Variants in CDH11 observed in about 807,000 individuals in gnomAD.
CDH11 encodes the protein cadherin-11.
CDH11 carries 11 observed loss-of-function variants against 67.8 expected under a neutral mutation model. The observed-to-expected ratio is 0.16, with a 90% CI of 0.10 to 0.27. CDH11 has a LOEUF of 0.27. Ranked by LOEUF, CDH11 falls within the 10% of genes least tolerant of loss-of-function variation. The pLI is 1.00. For synonymous variants in CDH11, 419 were observed against 400.0 expected (o/e 1.05, Z -0.57); for missense variants, 847 against 1,031.2 (o/e 0.82, Z 2.45).
intron 11 of CDH11, among the ~76,000 whole-genome samples, chr16:64,956,330 T>C (rs2071510346): frequency 6.6e-6 from 1 of 151,096 alleles, no homozygotes; most frequent in Admixed American, 6.6e-5. Context: ...TAAATATTAA[T>C]TCTTTTCTGG....
At chr16:64,985,216 A>C (rs2045661755) in intron 7 of CDH11, 1 of 152,164 alleles carries the variant, frequency 6.6e-6, no homozygotes, top group Admixed American at 6.5e-5. Flanking sequence ...CCTGTGCACT[A>C]TTAAACTAAG....
chr16:65,123,050 G>A (rs532473155), upstream of CDH11, among the ~76,000 whole-genome samples: 18 of 152,274 alleles, frequency 1.2e-4, no homozygotes, highest in East Asian at 3.5e-3. Flanking sequence ...TACCGTGAGG[G>A]TTCCCCGGGC....
chr16:65,122,110 T>TGGGGGGGG, upstream of CDH11: 1 of 66,672 alleles, frequency 1.5e-5, no homozygotes. Flanking sequence ...CGGGGGGAGG[T>TGGGGGGGG]GGCGGGCGGG....
chr16:65,048,756 T>C (rs9925053), intron 2 of CDH11, among the ~76,000 whole-genome samples: 10,384 of 152,038 alleles, frequency 0.068, 1,212 homozygotes, highest in African/African-American at 0.24. Flanking sequence ...ACATACATTA[T>C]CTCTATACAC....
chr16:65,069,219 T>C (rs2074372921), intron 1 of CDH11, among the ~76,000 whole-genome samples: 1 of 152,222 alleles, frequency 6.6e-6, no homozygotes, highest in African/African-American at 2.4e-5. Context: ...ATGCTGTGAC[T>C]TATAAAGAAA....
intron 1 of CDH11, among the ~76,000 whole-genome samples, chr16:65,105,339 G>A (rs1216379357): frequency 6.6e-6 from 1 of 152,160 alleles, no homozygotes; most frequent in East Asian, 1.9e-4. Flanking sequence ...GGACAAACCA[G>A]CTGCTAGCTA....
At chr16:65,037,357 T>A (rs1307683978) in intron 2 of CDH11, among the ~76,000 whole-genome samples, 2 of 152,186 alleles carry the variant, frequency 1.3e-5, no homozygotes, top group African/African-American at 4.8e-5. Flanking sequence ...TGTAAAATTC[T>A]AGCTGTGACC....
intron 2 of CDH11, among the ~76,000 whole-genome samples, chr16:65,029,296 A>G (rs1054226211): frequency 1.3e-5 from 2 of 152,184 alleles, no homozygotes; most frequent in African/African-American, 4.8e-5. Flanking sequence ...CACCAGCAGT[A>G]TCCAAACCAA....
At chr16:64,971,731 C>T in intron 10 of CDH11, 35 bp from the exon 11 acceptor site, 1 of 1,474,320 alleles carries the variant, frequency 6.8e-7, no homozygotes, top group South Asian at 1.2e-5. Flanking sequence ...ATAAATCATG[C>T]TGACATTGGC....
At chr16:65,064,542 G>T (rs897641902) in intron 1 of CDH11, among the ~76,000 whole-genome samples, 1 of 152,166 alleles carries the variant, frequency 6.6e-6, no homozygotes, top group Non-Finnish European at 1.5e-5. Flanking sequence ...CAATAAATGG[G>T]GGAAATGGAG....
In CDH11 at chr16:65,104,779, C is replaced by T. The variant is rs961660207; in HGVS notation, c.-298+17101G>A. On this transcript the variant is annotated intron_variant, in intron 1 of 12. Transcript: ENST00000268603. ...TTATATTGCTGTTGTGAAGGCATAGCGAATTATGGAGAGGATGTAAGATTT... is the reference window on the plus strand; with the variant it reads ...TTATATTGCTGTTGTGAAGGCATAGTGAATTATGGAGAGGATGTAAGATTT... Among the ~76,000 whole-genome samples the T allele has an allele frequency of 3.9e-5, 6 of 152,166 alleles. No homozygotes were observed. The East Asian group carries it at 7.7e-4, about 20-fold the overall frequency.
intron 12 of CDH11, chr16:64,948,786 A>T: frequency 6.3e-7 from 1 of 1,591,932 alleles, no homozygotes; most frequent in Non-Finnish European, 8.6e-7. Context: ...AGCTTGGGCA[A>T]CCTAGGAGGG....
rs758527240 is a variant in CDH11 at position 64,947,119 on chromosome 16, T to C, written c.*484A>G. 60 of 1,027,426 alleles carry C rather than the reference T, an allele frequency of 5.8e-5. No homozygotes were observed. The highest frequency in any genetic ancestry group is 6.6e-5 in the Non-Finnish European group (56 of 850,504). The allele number at this position is 1,027,426 out of a possible 1,614,324, so 63.6% of individuals were successfully genotyped here. A position where few individuals can be genotyped will look rare whatever the true frequency, so the allele number is the denominator to read the frequency against. ...AATTGTACATTGTATTGTACATACATTGTATGGGTTTAAGCTGGCTGAATA... is the reference window on the plus strand; with the variant it reads ...AATTGTACATTGTATTGTACATACACTGTATGGGTTTAAGCTGGCTGAATA... On this transcript the variant is annotated 3_prime_UTR_variant, in exon 13 of 13. Coordinates refer to ENST00000268603, the MANE Select transcript of CDH11 (RefSeq NM_001797.4).
intron 12 of CDH11, among the ~76,000 whole-genome samples, chr16:64,949,503 C>T (rs901459190): frequency 6.6e-6 from 1 of 151,026 alleles, no homozygotes; most frequent in African/African-American, 2.4e-5. Flanking sequence ...CTTGGCTCAC[C>T]GCAACCTTTG....
At chr16:65,099,374 A>G (rs1400547204) in intron 1 of CDH11, among the ~76,000 whole-genome samples, 1 of 152,184 alleles carries the variant, frequency 6.6e-6, no homozygotes, top group African/African-American at 2.4e-5. Flanking sequence ...TCTCAAGTGC[A>G]CTGTCAATCA....
At chr16:65,084,990 A>T (rs931489832) in intron 1 of CDH11, among the ~76,000 whole-genome samples, 22 of 152,078 alleles carry the variant, frequency 1.4e-4, no homozygotes, top group Non-Finnish European at 3.1e-4. Flanking sequence ...ACTCACAGCA[A>T]CCTCCACCTC....
At chr16:65,091,734 G>A (rs913749393) in intron 1 of CDH11, among the ~76,000 whole-genome samples, 2 of 151,892 alleles carry the variant, frequency 1.3e-5, no homozygotes, top group Non-Finnish European at 2.9e-5. Context: ...TGTATTTTTA[G>A]TAGAGACAGC....
intron 11 of CDH11, among the ~76,000 whole-genome samples, chr16:64,963,925 C>T (rs2071742374): frequency 6.6e-6 from 1 of 151,996 alleles, no homozygotes; most frequent in African/African-American, 2.4e-5. Flanking sequence ...AAAATTGTTG[C>T]CAGTAGGCCT....
At chr16:64,950,570 T>C (rs2071329506) in intron 12 of CDH11, among the ~76,000 whole-genome samples, 197 bp downstream of exon 12, 1 of 152,024 alleles carries the variant, frequency 6.6e-6, no homozygotes, top group South Asian at 2.1e-4. Context: ...CAATATTCCA[T>C]CAAATGCAAG....
Sources: allele counts gnomAD v4.1 joint callset (sites outside exome capture counted in the v4.1 genomes callset), GRCh38; gene constraint gnomAD v4.1.1; transcripts MANE v1.5; gene names NCBI Gene and HGNC (gene_info 2026-07-23, HGNC 2026-07-21).